CD226: variants seen among roughly 807,000 people sequenced by gnomAD.
The protein encoded by CD226 is CD226 antigen.
A neutral mutation model predicts 34.9 loss-of-function variants in CD226; 24 were observed. The ratio of observed to expected loss-of-function variants is 0.69; its 90% CI spans 0.50 to 0.97. The LOEUF is 0.97. Ranked by LOEUF, CD226 falls within the 50% of genes least tolerant of loss-of-function variation. The probability of loss-of-function intolerance (pLI) is 0.00; values close to 1 mark genes in which losing one functional copy is unlikely to be tolerated. For synonymous variants in CD226, 148 were observed against 147.4 expected (o/e 1.00, Z -0.03); for missense variants, 397 against 412.7 (o/e 0.96, Z 0.33).
chr18:69,924,377 T>C (rs2055493627), intron 2 of CD226, among the ~76,000 whole-genome samples: 1 of 152,222 alleles, frequency 6.6e-6, no homozygotes, highest in Non-Finnish European at 1.5e-5. Context: ...CTTTGAATCA[T>C]CTGTCATGAT....
chr18:69,913,827 T>C (rs902897834), intron 2 of CD226, among the ~76,000 whole-genome samples: 4 of 152,164 alleles, frequency 2.6e-5, no homozygotes, highest in African/African-American at 9.7e-5. Context: ...CTCTGAAAGA[T>C]GGGCTTCAGA....
intron 5 of CD226, among the ~76,000 whole-genome samples, chr18:69,866,394 G>A (rs1983145593): frequency 6.6e-6 from 1 of 152,144 alleles, no homozygotes. Context: ...AAACCCAGAA[G>A]GAAGTTTCTA....
chr18:69,875,991 T>C (rs929129375), intron 3 of CD226, among the ~76,000 whole-genome samples: 2 of 152,206 alleles, frequency 1.3e-5, no homozygotes, highest in Non-Finnish European at 2.9e-5. Context: ...TGGATGGTGA[T>C]ACATGAGTTA....
chr18:69,961,364 C>G (rs573959188), upstream of CD226, among the ~76,000 whole-genome samples: 224 of 152,284 alleles, frequency 1.5e-3, no homozygotes, highest in African/African-American at 4.8e-3. Flanking sequence ...GAATTTTATA[C>G]TCTTTTACAT....
chr18:69,875,422 G>A (rs1347085008), intron 3 of CD226, among the ~76,000 whole-genome samples: 2 of 152,238 alleles, frequency 1.3e-5, no homozygotes, highest in African/African-American at 4.8e-5. Context: ...ACAGGCATGA[G>A]CCACCGCACC....
chr18:69,949,786 TCA>T (rs1286187789), upstream of CD226, among the ~76,000 whole-genome samples: 2 of 151,602 alleles, frequency 1.3e-5, no homozygotes, highest in Non-Finnish European at 2.9e-5. Context: ...GCTCACAGTC[TCA>T]GACACACAAT....
chr18:69,887,690 T>C (rs1984642408), intron 3 of CD226, among the ~76,000 whole-genome samples: 1 of 152,164 alleles, frequency 6.6e-6, no homozygotes, highest in African/African-American at 2.4e-5. Context: ...AAAGACTCTC[T>C]CCCTGTGAGT....
intron 2 of CD226, among the ~76,000 whole-genome samples, chr18:69,923,761 G>A (rs1470554313): frequency 2.0e-5 from 3 of 151,976 alleles, no homozygotes; most frequent in South Asian, 2.1e-4. Context: ...AGACCATCCC[G>A]GCTAAAAACG....
chr18:69,930,136 T>C (rs2055571681), intron 2 of CD226, among the ~76,000 whole-genome samples: 1 of 152,182 alleles, frequency 6.6e-6, no homozygotes, highest in African/African-American at 2.4e-5. Flanking sequence ...GATCAGACTT[T>C]CAGGTAAAAG....
chr18:69,932,620 T>C (rs1461479224), intron 2 of CD226, among the ~76,000 whole-genome samples: 1 of 152,214 alleles, frequency 6.6e-6, no homozygotes, highest in Non-Finnish European at 1.5e-5. Flanking sequence ...CATTTTGCTT[T>C]TGCGCCATTA....
intron 2 of CD226, among the ~76,000 whole-genome samples, chr18:69,912,437 T>C (rs2055337162): frequency 6.6e-6 from 1 of 152,218 alleles, no homozygotes; most frequent in Non-Finnish European, 1.5e-5. Context: ...TATGTTTTTG[T>C]TTGTTTGATT....
rs1248974456 is a variant in CD226 at position 69,864,285 on chromosome 18, T to C, written c.*29A>G. The C allele has an allele frequency of 2.5e-6, 4 of 1,610,038 alleles. No individual in the cohort carries two copies. The highest frequency in any genetic ancestry group is 3.4e-6 in the Non-Finnish European group (4 of 1,176,746). On this transcript the variant is annotated 3_prime_UTR_variant, in exon 6 of 6. Coordinates refer to ENST00000582621, the MANE Select transcript of CD226 (RefSeq NM_001303618.2). Reference sequence around the variant, plus strand: ...TCCATGCATGAGTACATAAGAGTCATTACTAATGCACTCATGTCAAGAATA... The same window carrying C: ...TCCATGCATGAGTACATAAGAGTCACTACTAATGCACTCATGTCAAGAATA...
upstream of CD226, among the ~76,000 whole-genome samples, chr18:69,957,619 G>A (rs2055908329): frequency 6.6e-6 from 1 of 152,170 alleles, no homozygotes; most frequent in Non-Finnish European, 1.5e-5. Context: ...ACGTTTGACA[G>A]GTGAGAAGGC....
At chr18:69,908,165 A>C (rs2055279585) in intron 2 of CD226, among the ~76,000 whole-genome samples, 1 of 152,182 alleles carries the variant, frequency 6.6e-6, no homozygotes, top group Non-Finnish European at 1.5e-5. Flanking sequence ...GTGTAATTGG[A>C]TATAACAAAG....
intron 2 of CD226, among the ~76,000 whole-genome samples, chr18:69,932,089 C>T (rs1037615849): frequency 2.6e-5 from 4 of 152,110 alleles, no homozygotes; most frequent in African/African-American, 7.2e-5. Context: ...AACTTAATTA[C>T]CTCTTTAAAA....
At chr18:69,951,213 T>C (rs73466708), upstream of CD226, among the ~76,000 whole-genome samples, 21,279 of 151,866 alleles carry the variant, frequency 0.14, 3,981 homozygotes, top group African/African-American at 0.43. Context: ...TCATGTAATT[T>C]TGCACTTGTA....
Position 69,855,590 on chromosome 18 carries a change from A to G in CD226, c.*8724T>C, listed in dbSNP as rs921413389. On this transcript the variant is annotated 3_prime_UTR_variant, in exon 6 of 6. Transcript: ENST00000582621. Reference sequence around the variant, plus strand: ...TTGCCAAAATTAGTGATAGACACCAACTCAGGTAGCTCAGATAACACTAAA... The same window carrying G: ...TTGCCAAAATTAGTGATAGACACCAGCTCAGGTAGCTCAGATAACACTAAA... 6.6e-6 allele frequency: 1 copy of G among 152,150 alleles called. No homozygotes were observed. The highest frequency in any genetic ancestry group is 2.4e-5 in the African/African-American group (1 of 41,438). 9.4% of individuals were successfully genotyped at this position (152,150 alleles called of 1,614,324 possible).
chr18:69,859,426 A>G lies in CD226; in HGVS notation c.*4888T>C, dbSNP rs765100019. ...TTTACCATGTAGTTTAACTAAGAGT[A>G]CTGGCAAGGTCATAAGAAATAAATG... On this transcript the variant is annotated 3_prime_UTR_variant, in exon 6 of 6. Coordinates refer to ENST00000582621, the MANE Select transcript of CD226 (RefSeq NM_001303618.2). 4 of 152,204 alleles carry G rather than the reference A, an allele frequency of 2.6e-5. No individual in the cohort carries two copies. Among genetic ancestry groups the G allele is most frequent in the Non-Finnish European group, 4.4e-5 (3 of 68,032 alleles). 9.4% of individuals were successfully genotyped at this position (152,204 alleles called of 1,614,324 possible).
chr18:69,880,107 A>G (rs977616490), intron 3 of CD226, among the ~76,000 whole-genome samples: 19 of 152,010 alleles, frequency 1.2e-4, no homozygotes, highest in African/African-American at 4.4e-4. Context: ...TCAGTAATAA[A>G]TATGTGAGAA....
Sources: allele counts gnomAD v4.1 joint callset (sites outside exome capture counted in the v4.1 genomes callset), GRCh38; gene constraint gnomAD v4.1.1; transcripts MANE v1.5; gene names NCBI Gene and HGNC (gene_info 2026-07-23, HGNC 2026-07-21).